IGFBP5: variants seen among roughly 807,000 people sequenced by gnomAD.
The protein encoded by IGFBP5 is insulin like growth factor binding protein 5.
IGFBP5 carries 12 observed loss-of-function variants against 28.0 expected under a neutral mutation model. That is an observed-to-expected ratio of 0.43 (90% CI 0.27 to 0.69). The LOEUF is 0.69. Ranked by LOEUF, IGFBP5 falls within the 30% of genes least tolerant of loss-of-function variation. The pLI, the probability that IGFBP5 is intolerant of heterozygous loss-of-function variation, is 0.20. For missense variants in IGFBP5, 344 were observed against 381.6 expected (o/e 0.90, Z 0.82); for synonymous variants, 152 against 150.2 (o/e 1.01, Z -0.09).
rs1209825222 is a variant in IGFBP5, at chr2:216,676,723, G to A, written c.*28C>T. 4 of 1,553,866 alleles carry A rather than the reference G, an allele frequency of 2.6e-6. No homozygotes were observed. The highest frequency in any genetic ancestry group is 3.5e-6 in the Non-Finnish European group (4 of 1,135,766). ...GGAGTCGGGGCTGGGGGTGGGAGGG[G>A]GTGAGGGAAAGGTTGGGGGGGGACG... On this transcript the variant is annotated 3_prime_UTR_variant, in exon 4 of 4. Transcript: ENST00000233813.
chr2:216,685,943 G>T (rs904871909), intron 1 of IGFBP5, among the ~76,000 whole-genome samples: 1 of 151,556 alleles, frequency 6.6e-6, no homozygotes, highest in African/African-American at 2.4e-5. Flanking sequence ...TGCATGTTCC[G>T]GGTTCTTTTT....
intron 3 of IGFBP5, 92 bp from the exon 4 acceptor site, chr2:216,676,974 C>T: frequency 7.1e-7 from 1 of 1,416,058 alleles, no homozygotes; most frequent in Non-Finnish European, 9.7e-7. Flanking sequence ...CAAGGCAAGA[C>T]TCTCATCCCC....
At chr2:216,693,249 A>G (rs1689122460) in intron 1 of IGFBP5, among the ~76,000 whole-genome samples, 1 of 152,036 alleles carries the variant, frequency 6.6e-6, no homozygotes, top group Non-Finnish European at 1.5e-5. Flanking sequence ...AGCTGTGTCA[A>G]TCATTTCAAC....
Position 216,694,017 on chromosome 2 carries a change from CAA to C in IGFBP5, c.337+420_337+421del, listed in dbSNP as rs1219765315. On this transcript the variant is annotated intron_variant, in intron 1 of 3. Coordinates refer to ENST00000233813, the MANE Select transcript of IGFBP5 (RefSeq NM_000599.4). The surrounding 1 kb of genome is among the most constrained non-coding windows in gnomAD (Gnocchi z 5.2). ...GGCCGCAATTAAAATAATATTTTAA[CAA>C]AAGAGATTTTTTTTCCAAGTTCAGA... 1.8e-5 allele frequency among the ~76,000 whole-genome samples: 1 copy of C among 55,722 alleles called. No homozygotes were observed. The highest frequency in any genetic ancestry group is 8.4e-5 in the Non-Finnish European group (1 of 11,872). 36.6% of individuals were successfully genotyped at this position (55,722 alleles called of 152,430 possible).
chr2:216,678,789 C>T, intron 2 of IGFBP5, 61 bp downstream of exon 2: 1 of 1,374,182 alleles, frequency 7.3e-7, no homozygotes, highest in Non-Finnish European at 1.0e-6. Flanking sequence ...CCATGAATGT[C>T]CATTTAGATG....
rs1278821746 is a variant in IGFBP5, at chr2:216,692,955, C to T, written c.337+1484G>A. 4.6e-5 allele frequency among the ~76,000 whole-genome samples: 7 copies of T among 152,050 alleles called. No individual in the cohort carries two copies. Among genetic ancestry groups the T allele is most frequent in the African/African-American group, 1.7e-4 (7 of 41,398 alleles). On this transcript the variant is annotated intron_variant, in intron 1 of 3. Transcript: ENST00000233813. This position sits in a 1 kb window ranked among gnomAD's most constrained non-coding sequence, Gnocchi z 4.2. Reference sequence around the variant, plus strand: ...ACTATAGTGACTGAAATTTGCACTTCAGAAAACTCATGTTAGGGTGCTCGT... The same window carrying T: ...ACTATAGTGACTGAAATTTGCACTTTAGAAAACTCATGTTAGGGTGCTCGT...
chr2:216,678,813 A>G, intron 2 of IGFBP5, 37 bp downstream of exon 2: 1 of 1,560,122 alleles, frequency 6.4e-7, no homozygotes, highest in Non-Finnish European at 8.8e-7. Context: ...GAAAAGGTCA[A>G]AAGCTGGGAG....
At chr2:216,691,717 C>T (rs905916741) in intron 1 of IGFBP5, among the ~76,000 whole-genome samples, 1 of 151,920 alleles carries the variant, frequency 6.6e-6, no homozygotes, top group Non-Finnish European at 1.5e-5. Flanking sequence ...CTCTTCTGCT[C>T]CCCATTTCTG....
chr2:216,685,480 G>A (rs1455121907), intron 1 of IGFBP5, among the ~76,000 whole-genome samples: 1 of 152,130 alleles, frequency 6.6e-6, no homozygotes, highest in Non-Finnish European at 1.5e-5. Flanking sequence ...GCACTGACTT[G>A]TGCCTGGGTA....
At position 216,694,176 on chromosome 2, in the gene IGFBP5, G is replaced by A. The variant is rs1315489521; in HGVS notation, c.337+263C>T. Among the ~76,000 whole-genome samples the A allele has an allele frequency of 5.9e-5, 9 of 151,848 alleles. No individual in the cohort carries two copies. The South Asian group carries it at 1.9e-3, about 32-fold the overall frequency. Reference sequence around the variant, plus strand: ...GAATAAGAGCTCAGAATCAGTATTCGGACAGAGTAGGGGGAGGGGGCGGGC... The same window carrying A: ...GAATAAGAGCTCAGAATCAGTATTCAGACAGAGTAGGGGGAGGGGGCGGGC... On this transcript the variant is annotated intron_variant, in intron 1 of 3. Transcript: ENST00000233813. This position sits in a 1 kb window ranked among gnomAD's most constrained non-coding sequence, Gnocchi z 5.2.
Position 216,675,115 on chromosome 2 carries a change from T to A in IGFBP5, c.*1636A>T, listed in dbSNP as rs1250141183. 1 of 152,238 alleles carries A rather than the reference T, an allele frequency of 6.6e-6. No homozygotes were observed. Among genetic ancestry groups the A allele is most frequent in the African/African-American group, 2.4e-5 (1 of 41,452 alleles). The allele number at this position is 152,238 out of a possible 1,614,324, so 9.4% of individuals were successfully genotyped here. A position where few individuals can be genotyped will look rare whatever the true frequency, so the allele number is the denominator to read the frequency against. ...TCTATTGGCTTTTCCCCCTTTCTGCTGCTTTGTGCCAAAGCTAGAATGGAA... is the reference window on the plus strand; with the variant it reads ...TCTATTGGCTTTTCCCCCTTTCTGCAGCTTTGTGCCAAAGCTAGAATGGAA... On this transcript the variant is annotated 3_prime_UTR_variant, in exon 4 of 4. Coordinates refer to ENST00000233813, the MANE Select transcript of IGFBP5 (RefSeq NM_000599.4).
In IGFBP5 at chr2:216,686,397, G is replaced by C. The variant is rs145142828; in HGVS notation, c.338-7318C>G. On this transcript the variant is annotated intron_variant, in intron 1 of 3. Coordinates refer to ENST00000233813, the MANE Select transcript of IGFBP5 (RefSeq NM_000599.4). ...TTTCTGGGAGGAAGATGAAGCTGTTGACAATAGCTCAGTAAACCTTGATGC... is the reference window on the plus strand; with the variant it reads ...TTTCTGGGAGGAAGATGAAGCTGTTCACAATAGCTCAGTAAACCTTGATGC... 3.0e-3 allele frequency among the ~76,000 whole-genome samples: 450 copies of C among 152,240 alleles called. 1 individual carries two copies. The highest frequency in any genetic ancestry group is 4.4e-3 in the Non-Finnish European group (299 of 68,004).
At position 216,692,153 on chromosome 2, in the gene IGFBP5, T is replaced by C. The variant is rs972395248; in HGVS notation, c.337+2286A>G. On this transcript the variant is annotated intron_variant, in intron 1 of 3. Coordinates refer to ENST00000233813, the MANE Select transcript of IGFBP5 (RefSeq NM_000599.4). This position sits in a 1 kb window ranked among gnomAD's most constrained non-coding sequence, Gnocchi z 4.2. ...CCATCCCATCTGTTCGGGAAGAAGA[T>C]GTCGGCACCAGCAGCGGTGGAGCGC... Among the ~76,000 whole-genome samples the C allele has an allele frequency of 1.3e-5, 2 of 152,108 alleles. No homozygotes were observed. Among genetic ancestry groups the C allele is most frequent in the Admixed American group, 6.5e-5 (1 of 15,276 alleles).
At position 216,679,443 on chromosome 2, in the gene IGFBP5, C is replaced by T. The variant is rs371611944; in HGVS notation, c.338-364G>A. Among the ~76,000 whole-genome samples the T allele has an allele frequency of 2.0e-5, 3 of 151,976 alleles. No individual in the cohort carries two copies. The highest frequency in any genetic ancestry group is 1.9e-4 in the East Asian group (1 of 5,146). ...CTGCAAGGATGAAGGTGGCAGCGAG[C>T]GGTTTGCTTGCTGGGGGATGGCCAA... On this transcript the variant is annotated intron_variant, in intron 1 of 3. Transcript: ENST00000233813. The surrounding 1 kb of genome is among the most constrained non-coding windows in gnomAD (Gnocchi z 4.6).
chr2:216,693,418 A>G (rs890281841), intron 1 of IGFBP5, among the ~76,000 whole-genome samples: 5 of 106,482 alleles, frequency 4.7e-5, no homozygotes, highest in Admixed American at 4.6e-4. Context: ...CCCACTTGTG[A>G]TCTGGTTTAA....
chr2:216,676,600 A>T lies in IGFBP5; in HGVS notation c.*151T>A. ...TTTCGAAGTTGAGCCCTTGCTAGAG[A>T]TTCCGAGGTCCTCAGTTTCCTCAAA... is the stretch of plus-strand genomic sequence containing the variant. On this transcript the variant is annotated 3_prime_UTR_variant, in exon 4 of 4. Transcript: ENST00000233813. The T allele has an allele frequency of 1.9e-6, 1 of 516,142 alleles. No individual in the cohort carries two copies. Among genetic ancestry groups the T allele is most frequent in the Non-Finnish European group, 3.4e-6 (1 of 293,232 alleles). 32.0% of individuals were successfully genotyped at this position (516,142 alleles called of 1,614,324 possible).
chr2:216,677,185 T>A (rs199938441), intron 3 of IGFBP5, among the ~76,000 whole-genome samples: 1 of 152,062 alleles, frequency 6.6e-6, no homozygotes, highest in East Asian at 1.9e-4. Flanking sequence ...GTGATCTTCC[T>A]GCCTCAGCCT....
chr2:216,695,068 C>G lies in IGFBP5; in HGVS notation c.-293G>C. ...GCGGAGGCCGGAGAAACCCTCAAGC[C>G]TGAGCGGGTCAGAATTATAGGGGAA... On this transcript the variant is annotated 5_prime_UTR_variant, in exon 1 of 4. Transcript: ENST00000233813. 1 of 313,076 alleles carries G rather than the reference C, an allele frequency of 3.2e-6. No homozygotes were observed. The highest frequency in any genetic ancestry group is 5.8e-6 in the Non-Finnish European group (1 of 172,160). The allele number at this position is 313,076 out of a possible 1,614,324, so 19.4% of individuals were successfully genotyped here.
In IGFBP5 at chr2:216,673,213, C is replaced by A. The variant is rs768694553; in HGVS notation, c.*3538G>T. ...GCGGGAGCAGGTGGTTGAGGCCCAC[C>A]CTCTAGGGGAGGCCAGCCCTGTGGG... is the stretch of plus-strand genomic sequence containing the variant. On this transcript the variant is annotated 3_prime_UTR_variant, in exon 4 of 4. Coordinates refer to ENST00000233813, the MANE Select transcript of IGFBP5 (RefSeq NM_000599.4). This position sits in a 1 kb window ranked among gnomAD's most constrained non-coding sequence, Gnocchi z 4.3. The A allele has an allele frequency of 2.6e-5, 4 of 152,436 alleles. No homozygotes were observed. The highest frequency in any genetic ancestry group is 5.9e-5 in the Non-Finnish European group (4 of 68,178). 9.4% of individuals were successfully genotyped at this position (152,436 alleles called of 1,614,324 possible).
Sources: allele counts gnomAD v4.1 joint callset (sites outside exome capture counted in the v4.1 genomes callset), GRCh38; gene constraint gnomAD v4.1.1; non-coding constraint Gnocchi (gnomAD v3.1); transcripts MANE v1.5; gene names NCBI Gene and HGNC (gene_info 2026-07-23, HGNC 2026-07-21).